The following THSD4 variants were observed in gnomAD, a reference collection of about 807,000 sequenced individuals.
THSD4 encodes thrombospondin type-1 domain-containing protein 4.
Under a neutral mutation model 119.0 loss-of-function variants are expected in THSD4, and 69 were observed. The observed-to-expected ratio is 0.58, with a 90% CI of 0.48 to 0.71. The LOEUF (loss-of-function observed/expected upper bound fraction) is 0.71. Ranked by LOEUF, THSD4 falls within the 30% of genes least tolerant of loss-of-function variation. THSD4 has a pLI of 0.00. For missense variants in THSD4, 1,393 were observed against 1,391.1 expected (o/e 1.00, Z -0.02); for synonymous variants, 524 against 540.4 (o/e 0.97, Z 0.42).
chr15:71,623,145 A>G (rs985867), intron 7 of THSD4, among the ~76,000 whole-genome samples: 29,872 of 152,066 alleles, frequency 0.2, 3,268 homozygotes, highest in African/African-American at 0.29. Flanking sequence ...ATTGGAGGGA[A>G]GGGGTAATGA....
chr15:71,359,385 T>C lies in THSD4; in HGVS notation c.1016-52302T>C, dbSNP rs151072770. On this transcript the variant is annotated intron_variant, in intron 6 of 17. Transcript: ENST00000261862. Reference sequence around the variant, plus strand: ...CAAAAACATTACTTACGTTATCTCATTGGTTTTCACAGTAACCCTGGTAGG... The same window carrying C: ...CAAAAACATTACTTACGTTATCTCACTGGTTTTCACAGTAACCCTGGTAGG... Among the ~76,000 whole-genome samples, 496 of 152,364 alleles carry C rather than the reference T, an allele frequency of 3.3e-3. 2 individuals are homozygous for C. Among genetic ancestry groups the C allele is most frequent in the African/African-American group, 0.012 (479 of 41,596 alleles).
At chr15:71,728,516 T>C (rs776513780) in intron 8 of THSD4, 33 bp from the exon 9 acceptor site, 2 of 1,609,848 alleles carry the variant, frequency 1.2e-6, no homozygotes, top group Admixed American at 1.7e-5. Flanking sequence ...CACCCTGGGC[T>C]TACCCAAAGA....
At chr15:71,378,939 A>G (rs968204071) in intron 6 of THSD4, among the ~76,000 whole-genome samples, 8 of 152,066 alleles carry the variant, frequency 5.3e-5, no homozygotes, top group African/African-American at 1.4e-4. Flanking sequence ...GCATGCCACA[A>G]TGCTGGGCTA....
At chr15:71,237,985 G>A (rs1249136433) in intron 4 of THSD4, among the ~76,000 whole-genome samples, 1 of 152,090 alleles carries the variant, frequency 6.6e-6, no homozygotes, top group Non-Finnish European at 1.5e-5. Context: ...GGATGAACTG[G>A]GCCTGGAACC....
In THSD4 at chr15:71,250,202, A is replaced by C. The variant is rs572613585; in HGVS notation, c.913-6411A>C. Among the ~76,000 whole-genome samples the C allele has an allele frequency of 7.2e-5, 11 of 152,310 alleles. No homozygotes were observed. The East Asian group carries it at 1.4e-3, about 19-fold the overall frequency. On this transcript the variant is annotated intron_variant, in intron 5 of 17. Transcript: ENST00000261862. ...CCTCACACATGGAGCGCTGCAATGA[A>C]TATTTGCCTTTGAATGGAATTTTGC... is the stretch of plus-strand genomic sequence containing the variant.
intron 14 of THSD4, among the ~76,000 whole-genome samples, chr15:71,753,842 A>G (rs1034068549): frequency 6.6e-6 from 1 of 152,102 alleles, no homozygotes; most frequent in African/African-American, 2.4e-5. Flanking sequence ...AATAAAATGA[A>G]ACTCCTCTAC....
chr15:71,434,988 G>A (rs1460848124), intron 7 of THSD4, among the ~76,000 whole-genome samples: 1 of 152,072 alleles, frequency 6.6e-6, no homozygotes, highest in Non-Finnish European at 1.5e-5. Context: ...CCCAAGACCC[G>A]GAGCCACCCG....
chr15:71,448,066 A>C (rs1408524649), intron 7 of THSD4, among the ~76,000 whole-genome samples: 1 of 152,206 alleles, frequency 6.6e-6, no homozygotes, highest in Non-Finnish European at 1.5e-5. Context: ...GTTTTACGGG[A>C]CAATGCCAAA....
chr15:71,217,318 G>A (rs980339256), intron 4 of THSD4, among the ~76,000 whole-genome samples: 5 of 152,072 alleles, frequency 3.3e-5, no homozygotes, highest in Non-Finnish European at 5.9e-5. Flanking sequence ...GCCTGATATC[G>A]GTTAAGATCA....
chr15:71,291,087 C>T (rs1341513333), intron 6 of THSD4, among the ~76,000 whole-genome samples: 1 of 152,082 alleles, frequency 6.6e-6, no homozygotes, highest in Non-Finnish European at 1.5e-5. Context: ...TGTAAGGTAA[C>T]TGGATTGAGC....
At chr15:71,243,430 A>G (rs1350014764) in intron 5 of THSD4, among the ~76,000 whole-genome samples, 1 of 152,214 alleles carries the variant, frequency 6.6e-6, no homozygotes, top group Non-Finnish European at 1.5e-5. Context: ...TCTTTGCTCA[A>G]GTGCAATATA....
chr15:71,591,268 C>T (rs182922241), intron 7 of THSD4, among the ~76,000 whole-genome samples: 33 of 152,198 alleles, frequency 2.2e-4, no homozygotes, highest in Non-Finnish European at 2.6e-4. Flanking sequence ...TGGTGGAGTT[C>T]GGAATTGCAA....
chr15:71,385,300 T>C (rs902907611), intron 6 of THSD4, among the ~76,000 whole-genome samples: 1 of 152,206 alleles, frequency 6.6e-6, no homozygotes, highest in Non-Finnish European at 1.5e-5. Flanking sequence ...TTGGGCTCCA[T>C]GGATACCTCA....
chr15:71,130,957 G>A (rs1208161291), intron 1 of THSD4, among the ~76,000 whole-genome samples: 1 of 151,880 alleles, frequency 6.6e-6, no homozygotes, highest in African/African-American at 2.4e-5. Flanking sequence ...TGTTAGCCAG[G>A]ATGGTCTCAA....
chr15:71,538,132 T>C (rs1481967100), intron 7 of THSD4, among the ~76,000 whole-genome samples: 1 of 152,170 alleles, frequency 6.6e-6, no homozygotes, highest in Non-Finnish European at 1.5e-5. Context: ...AATATATAAA[T>C]ATTTTCTTTT....
chr15:71,437,643 G>A (rs1047276277), intron 7 of THSD4, among the ~76,000 whole-genome samples: 1 of 152,146 alleles, frequency 6.6e-6, no homozygotes, highest in Non-Finnish European at 1.5e-5. Context: ...ATATTTTCGG[G>A]TATTGGTTTC....
In THSD4 at chr15:71,642,694, G is replaced by A. The variant is rs569122370; in HGVS notation, c.1153-17836G>A. ...AAATCATCATTCTCAGTAAACTATC[G>A]CAAGAACAAAAAACCAAACACCGCA... On this transcript the variant is annotated intron_variant, in intron 7 of 17. Coordinates refer to ENST00000261862, the MANE Select transcript of THSD4 (RefSeq NM_024817.3). Among the ~76,000 whole-genome samples the A allele has an allele frequency of 4.4e-4, 67 of 151,726 alleles. No individual in the cohort carries two copies. In the South Asian group the frequency reaches 0.01, roughly 24 times the overall value.
At chr15:71,286,586 T>C (rs1225734836) in intron 6 of THSD4, among the ~76,000 whole-genome samples, 1 of 152,274 alleles carries the variant, frequency 6.6e-6, no homozygotes, top group African/African-American at 2.4e-5. Context: ...ATGGCTTTGC[T>C]ATTGTGAATA....
At chr15:71,293,098 G>C (rs1009680892) in intron 6 of THSD4, among the ~76,000 whole-genome samples, 3 of 152,218 alleles carry the variant, frequency 2.0e-5, no homozygotes, top group Non-Finnish European at 2.9e-5. Flanking sequence ...ATGGCTGTCA[G>C]CTTTTAGAGT....
Sources: allele counts gnomAD v4.1 joint callset (sites outside exome capture counted in the v4.1 genomes callset), GRCh38; gene constraint gnomAD v4.1.1; transcripts MANE v1.5; gene names NCBI Gene and HGNC (gene_info 2026-07-23, HGNC 2026-07-21).